Variants in SOX5 observed in about 807,000 individuals in gnomAD.
The protein encoded by SOX5 is transcription factor SOX-5.
Under a neutral mutation model 92.0 loss-of-function variants are expected in SOX5, and 9 were observed. That is an observed-to-expected ratio of 0.10 (90% confidence interval 0.06 to 0.17). The LOEUF is 0.17. Ranked by LOEUF, SOX5 falls within the 10% of genes least tolerant of loss-of-function variation. The pLI is 1.00. For missense variants in SOX5, 642 were observed against 944.5 expected, an observed-to-expected ratio of 0.68 and a Z score of 4.20; for synonymous variants, 344 against 336.3, an observed-to-expected ratio of 1.02 and a Z score of -0.25.
chr12:23,530,149 G>A lies in SOX5; in HGVS notation c.*4070C>T, dbSNP rs752563921. 5.9e-5 allele frequency: 9 copies of A among 152,150 alleles called. No individual in the cohort carries two copies. Among genetic ancestry groups the A allele is most frequent in the Non-Finnish European group, 1.0e-4 (7 of 68,028 alleles). 9.4% of individuals were successfully genotyped at this position (152,150 alleles called of 1,614,324 possible). On this transcript the variant is annotated 3_prime_UTR_variant, in exon 15 of 15. Transcript: ENST00000451604. The stretch of plus-strand genomic sequence containing the variant: ...TGAACCACTTTAAGTGGCCTTCATA[G>A]TTTTCCTTGCAGACCCCGTAAGTTT...
chr12:24,515,232 T>G (rs1277515373), intron 1 of SOX5, among the ~76,000 whole-genome samples: 1 of 152,170 alleles, frequency 6.6e-6, no homozygotes. Context: ...GTGTTGTTAT[T>G]TGTGTGACCT....
At chr12:23,570,646 C>T (rs1273791373) in intron 10 of SOX5, among the ~76,000 whole-genome samples, 2 of 151,506 alleles carry the variant, frequency 1.3e-5, no homozygotes, top group Non-Finnish European at 2.9e-5. Context: ...TGTGGTGGCT[C>T]ACACCTGTAA....
At chr12:23,615,797 T>G (rs1289815554) in intron 8 of SOX5, among the ~76,000 whole-genome samples, 1 of 152,226 alleles carries the variant, frequency 6.6e-6, no homozygotes, top group African/African-American at 2.4e-5. Flanking sequence ...CCGTAATGTA[T>G]TTTACAAATT....
chr12:24,011,655 T>A (rs1015505581), intron 4 of SOX5, among the ~76,000 whole-genome samples: 3 of 152,158 alleles, frequency 2.0e-5, no homozygotes, highest in African/African-American at 7.2e-5. Flanking sequence ...TGATTCAGGC[T>A]TGAGTTGACT....
chr12:24,330,611 G>A (rs1951195530), intron 2 of SOX5, among the ~76,000 whole-genome samples: 1 of 152,102 alleles, frequency 6.6e-6, no homozygotes, highest in African/African-American at 2.4e-5. Flanking sequence ...TATCTACCAG[G>A]CCCCACTTAA....
intron 5 of SOX5, among the ~76,000 whole-genome samples, 174 bp from the exon 6 acceptor site, chr12:23,734,926 T>C (rs1338882912): frequency 2.6e-5 from 4 of 152,230 alleles, no homozygotes; most frequent in Admixed American, 2.6e-4. Flanking sequence ...GGAAGATATT[T>C]AGTCTTTAGG....
At chr12:23,874,983 T>C (rs1345546107) in intron 2 of SOX5, among the ~76,000 whole-genome samples, 1 of 152,216 alleles carries the variant, frequency 6.6e-6, no homozygotes, top group Non-Finnish European at 1.5e-5. Context: ...CCTACGTGGA[T>C]ATTTTAGAAC....
At chr12:24,496,943 G>A (rs1193467215) in intron 1 of SOX5, among the ~76,000 whole-genome samples, 4 of 152,174 alleles carry the variant, frequency 2.6e-5, no homozygotes, top group South Asian at 2.1e-4. Flanking sequence ...TTCTACAAGC[G>A]CCACTAAGCA....
At chr12:23,948,273 T>C (rs1290205651) in intron 1 of SOX5, among the ~76,000 whole-genome samples, 2 of 151,814 alleles carry the variant, frequency 1.3e-5, no homozygotes, top group South Asian at 4.1e-4. Context: ...CCGAAGTATA[T>C]GTGTTGGCTA....
At chr12:23,804,915 T>TATATA (rs2095734758) in intron 3 of SOX5, among the ~76,000 whole-genome samples, 2 of 75,064 alleles carry the variant, frequency 2.7e-5, no homozygotes, top group East Asian at 3.3e-4. Context: ...TATCATTGTT[T>TATATA]TATATATATA....
intron 3 of SOX5, among the ~76,000 whole-genome samples, chr12:23,810,923 TTCTTA>T (rs1441062738): frequency 1.3e-4 from 20 of 152,294 alleles, no homozygotes; most frequent in Admixed American, 1.2e-3. Flanking sequence ...TTCCCCTCTC[TTCTTA>T]TCTTTAGTTC....
At chr12:24,170,006 C>G (rs1432026184) in intron 4 of SOX5, among the ~76,000 whole-genome samples, 2 of 150,560 alleles carry the variant, frequency 1.3e-5, no homozygotes, top group African/African-American at 5.0e-5. Context: ...AGCTAATAAA[C>G]TAAGTGTAAG....
intron 4 of SOX5, among the ~76,000 whole-genome samples, chr12:24,122,116 G>A (rs1028906447): frequency 7.9e-5 from 12 of 152,106 alleles, no homozygotes; most frequent in Non-Finnish European, 1.8e-4. Flanking sequence ...CACTCAACGG[G>A]AGCAAAAATT....
chr12:24,214,005 T>G (rs934914913), intron 3 of SOX5, among the ~76,000 whole-genome samples: 1 of 151,808 alleles, frequency 6.6e-6, no homozygotes, highest in African/African-American at 2.4e-5. Flanking sequence ...ACGCAAAACA[T>G]TCTAACGGGC....
At chr12:24,320,646 A>G (rs1950121171) in intron 2 of SOX5, among the ~76,000 whole-genome samples, 1 of 152,114 alleles carries the variant, frequency 6.6e-6, no homozygotes, top group Non-Finnish European at 1.5e-5. Context: ...CGGGGAGATC[A>G]CAAAGTCAGG....
At chr12:24,252,704 A>AG in intron 3 of SOX5, among the ~76,000 whole-genome samples, 1 of 151,970 alleles carries the variant, frequency 6.6e-6, no homozygotes, top group East Asian at 1.9e-4. Context: ...AAAAAAAAAA[A>AG]AAGAGGGTTG....
chr12:23,770,352 A>G (rs561355863), intron 3 of SOX5, among the ~76,000 whole-genome samples: 1 of 152,152 alleles, frequency 6.6e-6, no homozygotes, highest in African/African-American at 2.4e-5. Flanking sequence ...TATCAAGGCC[A>G]TAACTGAGCC....
rs1442826677 is a variant in SOX5, at chr12:24,095,120, C to CAGAGAGAGAG, written c.-2+118222_-2+118223insCTCTCTCTCT. 2.9e-3 allele frequency among the ~76,000 whole-genome samples: 291 copies of CAGAGAGAGAG among 102,050 alleles called. 6 individuals carry two copies. The highest frequency in any genetic ancestry group is 0.012 in the East Asian group (27 of 2,202). 66.9% of individuals were successfully genotyped at this position (102,050 alleles called of 152,430 possible). On this transcript the variant is annotated intron_variant, in intron 4 of 4. Transcript: ENST00000446891. ...ACACACACACACACACACACACACA[C>CAGAGAGAGAG]ACACACACAGAGAGAGAGAGAGAGA...
At chr12:23,984,848 A>AC (rs1949912805) in intron 4 of SOX5, among the ~76,000 whole-genome samples, 3 of 152,218 alleles carry the variant, frequency 2.0e-5, no homozygotes, top group African/African-American at 7.2e-5. Flanking sequence ...CATTTGAAGT[A>AC]ATGGACTAAT....
Sources: allele counts gnomAD v4.1 joint callset (sites outside exome capture counted in the v4.1 genomes callset), GRCh38; gene constraint gnomAD v4.1.1; transcripts MANE v1.5; gene names NCBI Gene and HGNC (gene_info 2026-07-23, HGNC 2026-07-21).